The following LSM4 variants were observed in gnomAD, a reference collection of about 807,000 sequenced individuals.
The protein encoded by LSM4 is LSM4 homolog, U6 small nuclear RNA and mRNA degradation associated, also known as U6 snRNA-associated Sm-like protein LSm4.
LSM4 carries 15 observed loss-of-function variants against 22.3 expected under a neutral mutation model. That is an observed-to-expected ratio of 0.67 (90% CI 0.45 to 1.03). LSM4 has a LOEUF of 1.03. Ranked by LOEUF, LSM4 falls within the 50% of genes least tolerant of loss-of-function variation. The probability of loss-of-function intolerance (pLI) is 0.00; values close to 1 mark genes in which losing one functional copy is unlikely to be tolerated. For missense variants in LSM4, 127 were observed against 198.0 expected, an observed-to-expected ratio of 0.64 and a Z score of 2.15; for synonymous variants, 90 against 79.8, an observed-to-expected ratio of 1.13 and a Z score of -0.68.
chr19:18,316,094 G>A, intron 1 of LSM4, 29 bp from the exon 2 acceptor site: 1 of 1,612,510 alleles, frequency 6.2e-7, no homozygotes, highest in Non-Finnish European at 8.5e-7. Flanking sequence ...CACATGATTT[G>A]TCTGTTTGAC....
chr19:18,309,984 G>T, intron 3 of LSM4, 123 bp from the exon 4 acceptor site: 1 of 901,832 alleles, frequency 1.1e-6, no homozygotes, highest in Non-Finnish European at 1.7e-6. Flanking sequence ...AAGCTGCACA[G>T]TATCAGTCCC....
intron 2 of LSM4, among the ~76,000 whole-genome samples, chr19:18,314,975 C>T (rs1970338688): frequency 6.6e-6 from 1 of 152,102 alleles, no homozygotes; most frequent in African/African-American, 2.4e-5. Context: ...AGCTCCGCCT[C>T]CCGGGTTCAC....
intron 4 of LSM4, 72 bp from the exon 5 acceptor site, chr19:18,307,627 A>G: frequency 8.7e-7 from 1 of 1,150,618 alleles, no homozygotes; most frequent in Non-Finnish European, 1.2e-6. Context: ...CGGCGCCCTG[A>G]AACTCTAGGC....
intron 2 of LSM4, among the ~76,000 whole-genome samples, chr19:18,315,594 C>T (rs1224887554): frequency 5.3e-5 from 8 of 152,034 alleles, no homozygotes; most frequent in South Asian, 2.1e-4. Flanking sequence ...CAGACTGGAG[C>T]GCAGTGGTAT....
chr19:18,322,601 A>C (rs561190041), intron 1 of LSM4, among the ~76,000 whole-genome samples: 1 of 152,272 alleles, frequency 6.6e-6, no homozygotes, highest in East Asian at 1.9e-4. Context: ...ACTAAGTTTC[A>C]CAACTCAGAC....
chr19:18,307,901 C>T (rs1235888352), intron 4 of LSM4, among the ~76,000 whole-genome samples: 2 of 149,290 alleles, frequency 1.3e-5, no homozygotes, highest in African/African-American at 2.5e-5. Context: ...GTAGGAGAGG[C>T]GTGGAGCAGA....
chr19:18,308,017 A>G (rs1970251984), intron 4 of LSM4, among the ~76,000 whole-genome samples: 1 of 151,958 alleles, frequency 6.6e-6, no homozygotes, highest in Admixed American at 6.6e-5. Flanking sequence ...GAAAACAGAA[A>G]GAGGGATTTC....
At chr19:18,310,094 C>A (rs1970282689) in intron 3 of LSM4, 2 of 542,580 alleles carry the variant, frequency 3.7e-6, no homozygotes, top group East Asian at 3.3e-5. Context: ...AGGCGCAGCC[C>A]CCATTGTGCA....
rs1970234543 is a variant in LSM4, at chr19:18,307,104, C to CCCGT, written c.*356_*359dup. The CCCGT allele has an allele frequency of 4.9e-6, 1 of 204,996 alleles. No homozygotes were observed. The allele number at this position is 204,996 out of a possible 1,614,324, so 12.7% of individuals were successfully genotyped here. On this transcript the variant is annotated 3_prime_UTR_variant, in exon 5 of 5. Transcript: ENST00000593829. Reference sequence around the variant, plus strand: ...CATGAACAGCTTAAAATAAAAATCTCCCGTCTGGTTGCTGCTCGGAGAGGC... The same window carrying CCCGT: ...CATGAACAGCTTAAAATAAAAATCTCCCGTCCGTCTGGTTGCTGCTCGGAGAGGC...
At chr19:18,309,639 T>G (rs1600164320) in intron 4 of LSM4, 39 bp downstream of exon 4, 1 of 1,540,242 alleles carries the variant, frequency 6.5e-7, no homozygotes, top group Non-Finnish European at 8.7e-7. Context: ...GTGGCTGTCT[T>G]CCCGCCCCAG....
chr19:18,318,640 G>A (rs1970387147), intron 1 of LSM4, among the ~76,000 whole-genome samples: 1 of 152,226 alleles, frequency 6.6e-6, no homozygotes, highest in Non-Finnish European at 1.5e-5. Flanking sequence ...CGGGACCTTG[G>A]ACCTCCTCCT....
chr19:18,307,429 C>T lies in LSM4; in HGVS notation c.*35G>A. 1 of 1,469,572 alleles carries T rather than the reference C, an allele frequency of 6.8e-7. No homozygotes were observed. Among genetic ancestry groups the T allele is most frequent in the Non-Finnish European group, 9.0e-7 (1 of 1,107,620 alleles). 91.0% of individuals were successfully genotyped at this position (1,469,572 alleles called of 1,614,324 possible). Reference sequence around the variant, plus strand: ...CTGTGGAGCGGAATCGCCACCCTGGCAGGAGGGGGCGCAGCAGCCGGTCTG... The same window carrying T: ...CTGTGGAGCGGAATCGCCACCCTGGTAGGAGGGGGCGCAGCAGCCGGTCTG... On this transcript the variant is annotated 3_prime_UTR_variant, in exon 5 of 5. Transcript: ENST00000593829.
intron 2 of LSM4, among the ~76,000 whole-genome samples, chr19:18,312,903 T>A (rs756551391): frequency 9.2e-5 from 14 of 152,196 alleles, no homozygotes; most frequent in Non-Finnish European, 5.9e-5. Flanking sequence ...CAGTCTATCA[T>A]GACGCCAACC....
intron 1 of LSM4, among the ~76,000 whole-genome samples, chr19:18,321,191 C>T (rs921856305): frequency 2.0e-5 from 3 of 152,234 alleles, no homozygotes; most frequent in Non-Finnish European, 4.4e-5. Context: ...ACACTTTGCC[C>T]ACGCACCGTT....
chr19:18,309,094 C>A (rs867663434), intron 4 of LSM4, among the ~76,000 whole-genome samples: 2 of 152,028 alleles, frequency 1.3e-5, no homozygotes, highest in Non-Finnish European at 2.9e-5. Context: ...CTGACCACCT[C>A]GTGAGCCTGC....
intron 1 of LSM4, among the ~76,000 whole-genome samples, chr19:18,321,944 C>T (rs1970429175): frequency 6.6e-6 from 1 of 152,170 alleles, no homozygotes; most frequent in Non-Finnish European, 1.5e-5. Context: ...ACTCGGATCC[C>T]CTAATGCTCA....
At chr19:18,317,112 C>T (rs1970365151) in intron 1 of LSM4, among the ~76,000 whole-genome samples, 1 of 151,818 alleles carries the variant, frequency 6.6e-6, no homozygotes, top group African/African-American at 2.4e-5. Context: ...CTTCCACCTC[C>T]CGGGTTCAAG....
intron 1 of LSM4, among the ~76,000 whole-genome samples, chr19:18,317,259 TG>T (rs1395322590): frequency 6.6e-6 from 1 of 151,654 alleles, no homozygotes; most frequent in Non-Finnish European, 1.5e-5. Context: ...TGACCTCAAA[TG>T]ATCTGCTTGC....
chr19:18,309,363 G>A (rs1016116063), intron 4 of LSM4: 5 of 396,280 alleles, frequency 1.3e-5, no homozygotes, highest in African/African-American at 6.3e-5. Flanking sequence ...ATAGAGCCAC[G>A]CCAGGTTCCA....
Sources: gnomAD v4.1 joint callset for allele counts (sites outside exome capture counted in the v4.1 genomes callset) on GRCh38, gnomAD v4.1.1 for gene constraint, MANE v1.5 for transcripts, NCBI Gene and HGNC (gene_info 2026-07-23, HGNC 2026-07-21) for gene names.